The following COP1 variants were observed in gnomAD, a reference collection of about 807,000 sequenced individuals.
COP1 encodes the protein E3 ubiquitin-protein ligase COP1.
In COP1, 24 loss-of-function variants were observed where a neutral mutation model predicts 101.3. That is an observed-to-expected ratio of 0.24 (90% CI 0.17 to 0.33). COP1 has a LOEUF of 0.33. Ranked by LOEUF, COP1 falls within the 10% of genes least tolerant of loss-of-function variation. The pLI, the probability that COP1 is intolerant of heterozygous loss-of-function variation, is 1.00. For missense variants in COP1, 663 were observed against 906.2 expected (o/e 0.73, Z 3.45); for synonymous variants, 347 against 341.9 (o/e 1.01, Z -0.17).
At chr1:176,127,566 TG>T (rs199758339) in intron 8 of COP1, among the ~76,000 whole-genome samples, 1,977 of 72,914 alleles carry the variant, frequency 0.027, 35 homozygotes, top group Non-Finnish European at 0.037. Context: ...TTCTACTGTG[TG>T]TGTGTGTGTG....
At chr1:176,154,230 T>C (rs972630154) in intron 5 of COP1, among the ~76,000 whole-genome samples, 1 of 152,182 alleles carries the variant, frequency 6.6e-6, no homozygotes, top group African/African-American at 2.4e-5. Context: ...GAGCTCTTTA[T>C]TGGTCTGTTC....
chr1:176,061,415 T>G (rs1448992956), intron 11 of COP1, among the ~76,000 whole-genome samples: 1 of 152,020 alleles, frequency 6.6e-6, no homozygotes, highest in African/African-American at 2.4e-5. Context: ...TCACCTGAGG[T>G]CAGGAGTTCG....
At chr1:176,206,539 T>C (rs1290751332) in intron 1 of COP1, 33 bp downstream of exon 1, 2 of 1,591,352 alleles carry the variant, frequency 1.3e-6, no homozygotes, top group Non-Finnish European at 1.7e-6. Context: ...ACTCATAATT[T>C]AGGGACAAGG....
chr1:175,978,494 A>T, intron 18 of COP1, among the ~76,000 whole-genome samples: 1 of 152,162 alleles, frequency 6.6e-6, no homozygotes, highest in African/African-American at 2.4e-5. Flanking sequence ...ACAAATTACT[A>T]GGGTTGCCTC....
chr1:176,088,948 T>C (rs537903457), intron 9 of COP1, among the ~76,000 whole-genome samples: 14 of 145,278 alleles, frequency 9.6e-5, no homozygotes, highest in African/African-American at 3.6e-4. Flanking sequence ...TGAGCTGAGG[T>C]CGCACCATTG....
At chr1:176,066,016 G>A (rs1050686291) in intron 11 of COP1, among the ~76,000 whole-genome samples, 2 of 152,040 alleles carry the variant, frequency 1.3e-5, no homozygotes, top group African/African-American at 2.4e-5. Context: ...ATGAGCCACC[G>A]CACCTGGCCG....
chr1:176,114,744 T>C (rs2149587100), intron 9 of COP1, among the ~76,000 whole-genome samples: 1 of 152,142 alleles, frequency 6.6e-6, no homozygotes, highest in South Asian at 2.1e-4. Flanking sequence ...CATGCCACCA[T>C]ACCCAACTAA....
chr1:176,036,514 A>AC (rs1214281147), intron 14 of COP1, among the ~76,000 whole-genome samples: 7 of 149,786 alleles, frequency 4.7e-5, no homozygotes, highest in African/African-American at 1.7e-4. Context: ...AAACAAAAAA[A>AC]AAAAAAAAAA....
At chr1:176,203,246 A>G (rs1278033148) in intron 1 of COP1, among the ~76,000 whole-genome samples, 4 of 152,152 alleles carry the variant, frequency 2.6e-5, no homozygotes, top group Non-Finnish European at 5.9e-5. Context: ...CTGAGGCAGG[A>G]GAATGGCGTG....
intron 9 of COP1, 85 bp from the exon 10 acceptor site, chr1:176,085,975 C>A: frequency 1.6e-6 from 1 of 629,594 alleles, no homozygotes; most frequent in Non-Finnish European, 2.7e-6. Context: ...AGCATTTACC[C>A]TCAGAAGTTC....
intron 9 of COP1, among the ~76,000 whole-genome samples, chr1:176,093,157 A>G (rs1681644983): frequency 1.3e-5 from 2 of 152,212 alleles, no homozygotes; most frequent in African/African-American, 4.8e-5. Context: ...AAAAGTCAAC[A>G]TATTGATAAA....
intron 15 of COP1, among the ~76,000 whole-genome samples, chr1:175,992,072 G>A (rs576650913): frequency 9.2e-5 from 14 of 152,196 alleles, no homozygotes; most frequent in East Asian, 3.9e-4. Context: ...TAGACTTTTT[G>A]AACATTTTTA....
At chr1:176,085,257 G>A (rs1007288266) in intron 10 of COP1, among the ~76,000 whole-genome samples, 1 of 151,224 alleles carries the variant, frequency 6.6e-6, no homozygotes, top group African/African-American at 2.4e-5. Context: ...ATTCGGCCTG[G>A]ATTTTTTTTT....
chr1:176,194,700 T>C (rs1431639032), intron 1 of COP1, among the ~76,000 whole-genome samples: 1 of 151,950 alleles, frequency 6.6e-6, no homozygotes, highest in Non-Finnish European at 1.5e-5. Flanking sequence ...AACTATACTC[T>C]GGGTACAAGA....
In COP1 at chr1:176,028,736, T is replaced by A. The variant is rs1475247975; in HGVS notation, c.1613-1048A>T. Among the ~76,000 whole-genome samples, 145 of 136,800 alleles carry A rather than the reference T, an allele frequency of 1.1e-3. 2 individuals are homozygous for A. The highest frequency in any genetic ancestry group is 3.5e-3 in the African/African-American group (134 of 37,784). The allele number at this position is 136,800 out of a possible 152,430, so 89.7% of individuals were successfully genotyped here. A position where few individuals can be genotyped will look rare whatever the true frequency, so the allele number is the denominator to read the frequency against. Reference sequence around the variant, plus strand: ...ATATATATATATATATAGTTTTATATATATTATTCTTTTTATTATTATTAT... The same window carrying A: ...ATATATATATATATATAGTTTTATAAATATTATTCTTTTTATTATTATTAT... On this transcript the variant is annotated intron_variant, in intron 14 of 19. Transcript: ENST00000367669.
rs1490919587 is a variant in COP1, at chr1:176,124,469, C to T, written c.969-7788G>A. ...TGGTAACCATCTTTCTATTCTCTATCTTCACGAGTTCAATTGATTTTTAGA... is the reference window on the plus strand; with the variant it reads ...TGGTAACCATCTTTCTATTCTCTATTTTCACGAGTTCAATTGATTTTTAGA... On this transcript the variant is annotated intron_variant, in intron 8 of 19. Transcript: ENST00000367669. Among the ~76,000 whole-genome samples the T allele has an allele frequency of 4.4e-5, 6 of 137,260 alleles. No homozygotes were observed. In the East Asian group the frequency reaches 1.5e-3, roughly 34 times the overall value. 90.0% of individuals were successfully genotyped at this position (137,260 alleles called of 152,430 possible). A position where few individuals can be genotyped will look rare whatever the true frequency, so the allele number is the denominator to read the frequency against.
chr1:176,201,591 T>A (rs1700262106), intron 1 of COP1, among the ~76,000 whole-genome samples: 1 of 152,254 alleles, frequency 6.6e-6, no homozygotes, highest in Non-Finnish European at 1.5e-5. Context: ...AGTAATGAAC[T>A]ACTATTGCAC....
chr1:175,992,431 A>AGCAGGGTGAGGCATTGCCTCACT (rs1658807663), intron 15 of COP1, among the ~76,000 whole-genome samples: 1 of 152,224 alleles, frequency 6.6e-6, no homozygotes, highest in Non-Finnish European at 1.5e-5. Flanking sequence ...CGCGAGCCAA[A>AGCAGGGTGAGGCATTGCCTCACT]GCAGGGTGAG....
chr1:176,137,901 A>C (rs1275458083), intron 6 of COP1, among the ~76,000 whole-genome samples: 1 of 152,170 alleles, frequency 6.6e-6, no homozygotes, highest in Non-Finnish European at 1.5e-5. Context: ...TCGAAAAACA[A>C]CTGTAGCCCT....
Sources: gnomAD v4.1 joint callset for allele counts (sites outside exome capture counted in the v4.1 genomes callset) on GRCh38, gnomAD v4.1.1 for gene constraint, MANE v1.5 for transcripts, NCBI Gene and HGNC (gene_info 2026-07-23, HGNC 2026-07-21) for gene names.